Variants in MLXIP observed in about 807,000 individuals in gnomAD.
MLXIP encodes MLX-interacting protein.
A neutral mutation model predicts 87.2 loss-of-function variants in MLXIP; 30 were observed. The ratio of observed to expected loss-of-function variants is 0.34; its 90% CI spans 0.26 to 0.47. The LOEUF (loss-of-function observed/expected upper bound fraction) is 0.47. MLXIP is among the 20% of genes least tolerant of loss of function. The pLI is 1.00. For missense variants in MLXIP, 1,002 were observed against 1,240.1 expected (o/e 0.81, Z 2.88); for synonymous variants, 530 against 514.0 (o/e 1.03, Z -0.42).
At chr12:122,087,171 C>A (rs1468514905) in intron 1 of MLXIP, among the ~76,000 whole-genome samples, 1 of 152,154 alleles carries the variant, frequency 6.6e-6, no homozygotes. Context: ...TGGGTTTGGC[C>A]GCCCCAGCAC....
intron 1 of MLXIP, among the ~76,000 whole-genome samples, chr12:122,097,441 C>G (rs1014910462): frequency 1.3e-5 from 2 of 151,724 alleles, no homozygotes; most frequent in African/African-American, 4.8e-5. Flanking sequence ...GGCAACATAA[C>G]GAGACCCTAT....
At position 122,096,600 on chromosome 12, in the gene MLXIP, C is replaced by T. The variant is rs541681910; in HGVS notation, c.413+17334C>T. 2.7e-4 allele frequency among the ~76,000 whole-genome samples: 41 copies of T among 152,308 alleles called. 1 individual carries two copies. Among genetic ancestry groups the T allele is most frequent in the Middle Eastern group, 3.4e-3 (1 of 294 alleles). ...GGTGGTCAGCAGGCGCGGAGCTGAA[C>T]GGTGGCCTGTTTATTCTGAGTCCGG... On this transcript the variant is annotated intron_variant, in intron 1 of 16. Coordinates refer to ENST00000319080, the MANE Select transcript of MLXIP (RefSeq NM_014938.6).
rs761864445 is a variant in MLXIP at position 122,137,329 on chromosome 12, C to T, written c.2033-140C>T. The T allele has an allele frequency of 7.6e-6, 6 of 785,792 alleles. No homozygotes were observed. The allele number at this position is 785,792 out of a possible 1,614,324, so 48.7% of individuals were successfully genotyped here. On this transcript the variant is annotated intron_variant, in intron 11 of 16. Transcript: ENST00000319080. This position sits in a 1 kb window ranked among gnomAD's most constrained non-coding sequence, Gnocchi z 4.1. ...AGTGAATAAGAATAATCTAAGGAAGCATGTGTGTGCAGTTGAAAGAACCAA... is the reference window on the plus strand; with the variant it reads ...AGTGAATAAGAATAATCTAAGGAAGTATGTGTGTGCAGTTGAAAGAACCAA...
intron 1 of MLXIP, among the ~76,000 whole-genome samples, chr12:122,113,921 G>A (rs1324630474): frequency 2.0e-5 from 3 of 150,632 alleles, no homozygotes; most frequent in Admixed American, 6.6e-5. Context: ...TCCTGACCTC[G>A]TGATCCGCCC....
At position 122,135,254 on chromosome 12, in the gene MLXIP, T is replaced by C; in HGVS notation, c.1763T>C (p.Ile588Thr). The change falls in exon 10 of 17, where the codon ATC (isoleucine) becomes ACC (threonine). Residue 588 changes from isoleucine (I) to threonine (T), a missense_variant. Ile to Thr is a moderately conservative substitution (Grantham distance 89, BLOSUM62 -1). This residue lies in a region of MLXIP where 746 missense variants were observed against 897.0 expected (regional missense o/e 0.83). Coordinates refer to ENST00000319080, the MANE Select transcript of MLXIP (RefSeq NM_014938.6). This position sits in a 1 kb window ranked among gnomAD's most constrained non-coding sequence, Gnocchi z 5.3. ...TTTTCAGGCCAACCACAAGCGGTGA[T>C]CATGACGTCAGGGCCTCTGAAGAGA... ...AAFSGQPQAV[I>T]MTSGPLKREG... The C allele has an allele frequency of 6.2e-7, 1 of 1,613,538 alleles. No individual in the cohort carries two copies. Among genetic ancestry groups the C allele is most frequent in the Non-Finnish European group, 8.5e-7 (1 of 1,179,848 alleles).
chr12:122,104,986 C>T (rs991298762), intron 1 of MLXIP, among the ~76,000 whole-genome samples: 2 of 152,186 alleles, frequency 1.3e-5, no homozygotes, highest in African/African-American at 4.8e-5. Context: ...CTGCATTTGT[C>T]GTTTCCTGGT....
chr12:122,121,010 G>GTTT (rs1233404015), intron 1 of MLXIP, among the ~76,000 whole-genome samples: 11 of 111,910 alleles, frequency 9.8e-5, no homozygotes, highest in African/African-American at 2.9e-4. Context: ...TGCATGCTTG[G>GTTT]TTTTTTTTTT....
intron 1 of MLXIP, among the ~76,000 whole-genome samples, chr12:122,114,617 A>G (rs1199896134): frequency 6.6e-6 from 1 of 152,208 alleles, no homozygotes; most frequent in Non-Finnish European, 1.5e-5. Context: ...CTGTGGCCAA[A>G]GCCCCCAGGC....
intron 1 of MLXIP, among the ~76,000 whole-genome samples, chr12:122,107,530 G>A (rs910903464): frequency 6.6e-6 from 1 of 152,190 alleles, no homozygotes; most frequent in African/African-American, 2.4e-5. Context: ...TCAGCTGAAT[G>A]TATGAATTCT....
At chr12:122,119,775 T>C (rs1211433093) in intron 1 of MLXIP, among the ~76,000 whole-genome samples, 1 of 152,248 alleles carries the variant, frequency 6.6e-6, no homozygotes, top group Non-Finnish European at 1.5e-5. Context: ...TGCAGTTTAA[T>C]GTCCTTCTCT....
rs1953034401 is a variant in MLXIP at position 122,133,976 on chromosome 12, G to GT, written c.1722dup (p.Ile575TyrfsTer154). 6.3e-7 allele frequency: 1 copy of GT among 1,598,550 alleles called. No individual in the cohort carries two copies. The highest frequency in any genetic ancestry group is 1.3e-5 in the African/African-American group (1 of 74,600). On this transcript the variant is annotated frameshift_variant, in exon 9 of 17. Coordinates refer to ENST00000319080, the MANE Select transcript of MLXIP (RefSeq NM_014938.6). LOFTEE classifies it high-confidence loss of function. This position sits in a 1 kb window ranked among gnomAD's most constrained non-coding sequence, Gnocchi z 4.9. Reference sequence around the variant, plus strand: ...GTGTCCTTGGTGTTGAAGAATGCCCGTATCGCCCCAGGTGAGCCAGGCGGG... The same window carrying GT: ...GTGTCCTTGGTGTTGAAGAATGCCCGTTATCGCCCCAGGTGAGCCAGGCGGG...
chr12:122,138,312 G>C lies in MLXIP; in HGVS notation c.2256+17G>C, dbSNP rs576649657. The stretch of plus-strand genomic sequence containing the variant: ...TCCAAGCTGGTGAGTTGCCAAGAGC[G>C]TGGGCTGTGGCAGGGCAGGGGAGCT... On this transcript the variant is annotated intron_variant, in intron 13 of 16. Coordinates refer to ENST00000319080, the MANE Select transcript of MLXIP (RefSeq NM_014938.6). The C allele has an allele frequency of 1.9e-6, 3 of 1,613,490 alleles. No individual in the cohort carries two copies. Among genetic ancestry groups the C allele is most frequent in the Non-Finnish European group, 2.5e-6 (3 of 1,179,560 alleles).
chr12:122,134,954 G>A (rs1166255550), intron 9 of MLXIP: 2 of 412,154 alleles, frequency 4.9e-6, no homozygotes, highest in Non-Finnish European at 9.2e-6. Flanking sequence ...GATTACAGAT[G>A]TGAGCCATTG....
At chr12:122,095,664 A>C (rs1276410018) in intron 1 of MLXIP, among the ~76,000 whole-genome samples, 1 of 151,318 alleles carries the variant, frequency 6.6e-6, no homozygotes. Context: ...ACATTTTAAA[A>C]TTAAAGTTAA....
chr12:122,095,058 G>A (rs1018246545), intron 1 of MLXIP, among the ~76,000 whole-genome samples: 21 of 146,772 alleles, frequency 1.4e-4, no homozygotes, highest in Non-Finnish European at 2.7e-4. Context: ...TGTGTGTGGT[G>A]TCTGTGGGGT....
chr12:122,110,208 A>G (rs988983792), intron 1 of MLXIP, among the ~76,000 whole-genome samples: 2 of 152,108 alleles, frequency 1.3e-5, no homozygotes, highest in African/African-American at 4.8e-5. Context: ...ATCTTAGCAC[A>G]TTAGGAGGCC....
intron 1 of MLXIP, 109 bp downstream of exon 1, chr12:122,079,375 TG>T (rs1220880046): frequency 6.3e-6 from 6 of 954,834 alleles, no homozygotes; most frequent in Non-Finnish European, 9.5e-6. Context: ...GCATTCCCTT[TG>T]GGTCTTCCTC....
chr12:122,084,147 T>C (rs1952132059), intron 1 of MLXIP, among the ~76,000 whole-genome samples: 2 of 7,588 alleles, frequency 2.6e-4, no homozygotes, highest in Admixed American at 6.1e-3. Flanking sequence ...AGCCAGATTG[T>C]GTGTGTGTGT....
intron 1 of MLXIP, among the ~76,000 whole-genome samples, chr12:122,126,781 A>G (rs1413774820): frequency 6.6e-6 from 1 of 152,182 alleles, no homozygotes; most frequent in African/African-American, 2.4e-5. Flanking sequence ...TGTGTGACCC[A>G]TGACTGCCCT....
Sources: allele counts gnomAD v4.1 joint callset (sites outside exome capture counted in the v4.1 genomes callset), GRCh38; gene constraint gnomAD v4.1.1; regional missense constraint gnomAD v4.1.1; non-coding constraint Gnocchi (gnomAD v3.1); transcripts MANE v1.5; gene names NCBI Gene and HGNC (gene_info 2026-07-23, HGNC 2026-07-21).